The following CT55 variants were observed in gnomAD, a reference collection of about 807,000 sequenced individuals.
CT55 encodes cancer/testis antigen 55, also known as BRCA2-interacting protein.
Under a neutral mutation model 12.6 loss-of-function variants are expected in CT55, and 1 was observed. The ratio of observed to expected loss-of-function variants is 0.08; its 90% confidence interval spans 0.03 to 0.38. The LOEUF is 0.38. Among genes scored for constraint, CT55 ranks in the 10% least tolerant of loss-of-function variants. CT55 has a pLI of 0.99. For missense variants in CT55, 109 were observed against 135.4 expected, an observed-to-expected ratio of 0.80 and a Z score of 0.97; for synonymous variants, 43 against 49.7, an observed-to-expected ratio of 0.87 and a Z score of 0.57.
At chrX:135,158,139 A>G (rs782785322) in intron 4 of CT55, 60 bp downstream of exon 4, 55 of 691,829 alleles carry the variant, frequency 7.9e-5, no homozygotes, top group Admixed American at 2.3e-4. Context: ...GGTCACGTAA[A>G]TTATCACCAA....
Position 135,169,619 on chromosome X carries a change from G to A in CT55, c.254C>T (p.Pro85Leu), listed in dbSNP as rs1837890546. 8.3e-7 allele frequency: 1 copy of A among 1,207,977 alleles called. No individual in the cohort carries two copies. The highest frequency in any genetic ancestry group is 1.7e-5 in the African/African-American group (1 of 57,660). Residue 85 changes from proline (P) to leucine (L), a missense_variant, in exon 2 of 6, where the codon CCA (proline) becomes CTA (leucine). Transcript: ENST00000276241. ...CTTGATTGCTCTCAATCCATAATGT[G>A]GTTTATCTTCTTCCACAACCACATT... ...KVNVVVEEDK[P>L]HYGLRAIKVD...
At chrX:135,162,055 T>C (rs1185468629) in intron 2 of CT55, among the ~76,000 whole-genome samples, 2 of 112,569 alleles carry the variant, frequency 1.8e-5, no homozygotes, top group East Asian at 5.6e-4. Context: ...CAACAGCCGG[T>C]ACAAATAGAT....
chrX:135,169,408 C>T (rs2083600896), intron 2 of CT55, among the ~76,000 whole-genome samples, 186 bp downstream of exon 2: 1 of 112,107 alleles, frequency 8.9e-6, no homozygotes, highest in Non-Finnish European at 1.9e-5. Context: ...TTATGTTTTA[C>T]AGCACAAATT....
Position 135,171,331 on chromosome X carries a change from C to G in CT55, c.-160G>C. ...TGGGACCCACCCGTTAGTGAGCCCC[C>G]CTCAGGAGAGTCAGGGACACCGCAG... On this transcript the variant is annotated 5_prime_UTR_variant, in exon 1 of 6. Coordinates refer to ENST00000276241, the MANE Select transcript of CT55 (RefSeq NM_001031705.3). The G allele has an allele frequency of 1.0e-6, 1 of 997,462 alleles. No individual in the cohort carries two copies. Among genetic ancestry groups the G allele is most frequent in the African/African-American group, 1.9e-5 (1 of 52,147 alleles). The allele number at this position is 997,462 out of a possible 1,213,427, so 82.2% of individuals were successfully genotyped here.
At chrX:135,168,866 G>A (rs2083598276) in intron 2 of CT55, among the ~76,000 whole-genome samples, 1 of 112,249 alleles carries the variant, frequency 8.9e-6, no homozygotes, top group Non-Finnish European at 1.9e-5. Flanking sequence ...CATAGAGATA[G>A]CCATAAATAT....
At chrX:135,167,313 T>A (rs2083590346) in intron 2 of CT55, among the ~76,000 whole-genome samples, 1 of 112,033 alleles carries the variant, frequency 8.9e-6, no homozygotes, top group African/African-American at 3.2e-5. Flanking sequence ...GTCAACTAAT[T>A]TTTGACAAAA....
intron 2 of CT55, among the ~76,000 whole-genome samples, chrX:135,162,598 C>T (rs1400091825): frequency 8.9e-6 from 1 of 111,796 alleles, no homozygotes; most frequent in Non-Finnish European, 1.9e-5. Flanking sequence ...ACCCACATCA[C>T]CCCTTCCCCG....
rs1463530439 is a variant in CT55, at chrX:135,171,306, T to C, written c.-135A>G. On this transcript the variant is annotated 5_prime_UTR_variant, in exon 1 of 6. An upstream start codon of the reference 5' UTR is lost. Coordinates refer to ENST00000276241, the MANE Select transcript of CT55 (RefSeq NM_001031705.3). ...CTGCTTCTCCTCAGACACTGTGGCA[T>C]GGGACCCACCCGTTAGTGAGCCCCC... is the stretch of plus-strand genomic sequence containing the variant. 2.8e-6 allele frequency: 3 copies of C among 1,081,128 alleles called. No homozygotes were observed. Among genetic ancestry groups the C allele is most frequent in the Non-Finnish European group, 2.4e-6 (2 of 820,365 alleles). The allele number at this position is 1,081,128 out of a possible 1,213,427, so 89.1% of individuals were successfully genotyped here.
intron 3 of CT55, 64 bp downstream of exon 3, chrX:135,160,347 C>A: frequency 2.8e-6 from 3 of 1,087,969 alleles, no homozygotes; most frequent in Non-Finnish European, 2.4e-6. Flanking sequence ...AAAAGTTGTT[C>A]CAGGACTAAA....
rs56051595 is a variant in CT55, at chrX:135,166,036, CAAAAAAAAAAAAAA to C, written c.279+3544_279+3557del. On this transcript the variant is annotated intron_variant, in intron 2 of 5. Transcript: ENST00000276241. ...AATAGCTATACTTTTAAACCTATTC[CAAAAAAAAAAAAAA>C]AAAAAAAAAAAAAACGGACAAGAGA... is the stretch of plus-strand genomic sequence containing the variant. Among the ~76,000 whole-genome samples the C allele has an allele frequency of 3.9e-4, 14 of 36,064 alleles. No homozygotes were observed. The South Asian group carries it at 0.036, about 92-fold the overall frequency. 31.3% of individuals were successfully genotyped at this position (36,064 alleles called of 115,157 possible). A position where few individuals can be genotyped will look rare whatever the true frequency, so the allele number is the denominator to read the frequency against.
intron 1 of CT55, 109 bp downstream of exon 1, chrX:135,170,969 C>T (rs2083608329): frequency 1.8e-6 from 2 of 1,099,700 alleles, no homozygotes; most frequent in East Asian, 3.2e-5. Flanking sequence ...ATGGAGCCAC[C>T]GTCACGTGCA....
intron 1 of CT55, among the ~76,000 whole-genome samples, chrX:135,170,584 C>CT (rs1160811363): frequency 1.5e-4 from 16 of 106,724 alleles, no homozygotes; most frequent in East Asian, 8.7e-4. Flanking sequence ...TCTTCTTCTT[C>CT]TTTTTTTTTT....
intron 2 of CT55, among the ~76,000 whole-genome samples, chrX:135,166,188 A>G (rs1556405998): frequency 1.8e-5 from 2 of 111,093 alleles, no homozygotes; most frequent in African/African-American, 6.5e-5. Context: ...TTCCTGATCA[A>G]CACAGTTGCA....
At chrX:135,171,416 GGCCC>G (rs2083610773), upstream of CT55, 1 of 481,817 alleles carries the variant, frequency 2.1e-6, no homozygotes, top group African/African-American at 2.4e-5. Context: ...CGCTCGTCAG[GGCCC>G]GCCTCTACCA....
chrX:135,162,052 C>T (rs782159676), intron 2 of CT55, among the ~76,000 whole-genome samples: 2 of 112,301 alleles, frequency 1.8e-5, no homozygotes, highest in Non-Finnish European at 3.8e-5. Flanking sequence ...ACACAACAGC[C>T]GGTACAAATA....
chrX:135,160,352 ACTAAAATCCT>A, intron 3 of CT55, 49 bp downstream of exon 3: 1 of 1,098,143 alleles, frequency 9.1e-7, no homozygotes, highest in Admixed American at 3.5e-5. Flanking sequence ...TTGTTCCAGG[ACTAAAATCCT>A]CTCAAAAAAT....
At chrX:135,162,846 TCCAGTGG>T (rs1246839019) in intron 2 of CT55, among the ~76,000 whole-genome samples, 1 of 111,410 alleles carries the variant, frequency 9.0e-6, no homozygotes, top group Non-Finnish European at 1.9e-5. Flanking sequence ...CCCTAGTGAT[TCCAGTGG>T]CCTTATGCTC....
chrX:135,159,701 A>G (rs1261609379), intron 3 of CT55, among the ~76,000 whole-genome samples: 2 of 111,488 alleles, frequency 1.8e-5, no homozygotes, highest in East Asian at 2.8e-4. Flanking sequence ...GTCTCTTCTC[A>G]ACAAAGCAGA....
intron 2 of CT55, among the ~76,000 whole-genome samples, chrX:135,163,382 C>A (rs1299352897): frequency 8.9e-6 from 1 of 111,975 alleles, no homozygotes; most frequent in Non-Finnish European, 1.9e-5. Flanking sequence ...TTGTTAAAAA[C>A]CAAGCAAATC....
Sources: allele counts gnomAD v4.1 joint callset (sites outside exome capture counted in the v4.1 genomes callset), GRCh38; gene constraint gnomAD v4.1.1; transcripts MANE v1.5; gene names NCBI Gene and HGNC (gene_info 2026-07-23, HGNC 2026-07-21).